The following ACTR3B variants were observed in gnomAD, a reference collection of about 807,000 sequenced individuals.
The protein encoded by ACTR3B is actin-related protein 3B.
ACTR3B carries 8 observed loss-of-function variants against 59.0 expected under a neutral mutation model. The ratio of observed to expected loss-of-function variants is 0.14; its 90% CI spans 0.08 to 0.24. The LOEUF (loss-of-function observed/expected upper bound fraction) is 0.24. Among genes scored for constraint, ACTR3B ranks in the 10% least tolerant of loss-of-function variants. The pLI is 1.00. For missense variants in ACTR3B, 245 were observed against 552.3 expected (o/e 0.44, Z 5.58); for synonymous variants, 148 against 197.9 (o/e 0.75, Z 2.12).
At chr7:152,820,792 A>G (rs138150264) in intron 7 of ACTR3B, among the ~76,000 whole-genome samples, 2,073 of 152,126 alleles carry the variant, frequency 0.014, 18 homozygotes, top group Non-Finnish European at 0.022. Context: ...GGAGGCGACC[A>G]CAGCAGCAGA....
intron 6 of ACTR3B, among the ~76,000 whole-genome samples, chr7:152,819,724 A>G (rs1287859039): frequency 1.3e-5 from 2 of 152,050 alleles, no homozygotes; most frequent in African/African-American, 4.8e-5. Context: ...CGACACACGC[A>G]GTTTCATCTG....
chr7:152,779,761 T>C (rs920086661), intron 1 of ACTR3B, among the ~76,000 whole-genome samples: 2 of 152,218 alleles, frequency 1.3e-5, no homozygotes, highest in African/African-American at 2.4e-5. Flanking sequence ...TACTGAGTTA[T>C]ATTTAATAGA....
chr7:152,763,533 C>T (rs1017890591), intron 1 of ACTR3B, among the ~76,000 whole-genome samples: 5 of 151,812 alleles, frequency 3.3e-5, no homozygotes, highest in Non-Finnish European at 7.4e-5. Flanking sequence ...AGGGAATTCT[C>T]CTGCTTCAGC....
chr7:152,845,500 G>A (rs566864863), intron 9 of ACTR3B, among the ~76,000 whole-genome samples: 17 of 152,324 alleles, frequency 1.1e-4, no homozygotes, highest in African/African-American at 3.4e-4. Flanking sequence ...GCTCTATTCC[G>A]TGCTGAGCTG....
rs529675457 is a variant in ACTR3B at position 152,764,154 on chromosome 7, C to T, written c.44+4228C>T. 2.0e-5 allele frequency among the ~76,000 whole-genome samples: 3 copies of T among 151,624 alleles called. No individual in the cohort carries two copies. The South Asian group carries it at 6.3e-4, about 32-fold the overall frequency. Reference sequence around the variant, plus strand: ...CTGAGTAGCTGGGATTATAGGTGTACACCACCACGCATGGCTGTTTTTTTG... The same window carrying T: ...CTGAGTAGCTGGGATTATAGGTGTATACCACCACGCATGGCTGTTTTTTTG... On this transcript the variant is annotated intron_variant, in intron 1 of 11. Transcript: ENST00000256001.
At chr7:152,784,539 A>T (rs2098165233) in intron 2 of ACTR3B, among the ~76,000 whole-genome samples, 1 of 152,192 alleles carries the variant, frequency 6.6e-6, no homozygotes, top group South Asian at 2.1e-4. Context: ...GATGACAGGC[A>T]TGATTGGTCT....
At chr7:152,835,084 A>C (rs2689563) in intron 9 of ACTR3B, among the ~76,000 whole-genome samples, 1,846 of 151,314 alleles carry the variant, frequency 0.012, 37 homozygotes, top group African/African-American at 0.042. Context: ...ATCATATTGG[A>C]TTTTGGCTTT....
chr7:152,808,158 C>G (rs890206492), intron 4 of ACTR3B, among the ~76,000 whole-genome samples: 1 of 152,190 alleles, frequency 6.6e-6, no homozygotes, highest in East Asian at 1.9e-4. Flanking sequence ...GCTTACTTCA[C>G]TTAGCGTCTT....
chr7:152,762,677 T>C (rs2117097592), intron 1 of ACTR3B, among the ~76,000 whole-genome samples: 1 of 152,368 alleles, frequency 6.6e-6, no homozygotes, highest in Admixed American at 6.5e-5. Flanking sequence ...TTATGGAATG[T>C]CACCCATGAA....
chr7:152,781,877 T>C (rs1203964046), intron 1 of ACTR3B, among the ~76,000 whole-genome samples: 1 of 152,052 alleles, frequency 6.6e-6, no homozygotes, highest in African/African-American at 2.4e-5. Context: ...TCTTGAGTTG[T>C]GGAGCTGGAG....
intron 1 of ACTR3B, among the ~76,000 whole-genome samples, chr7:152,779,928 A>G (rs2098146375): frequency 6.6e-6 from 1 of 152,238 alleles, no homozygotes; most frequent in Non-Finnish European, 1.5e-5. Flanking sequence ...TATATAAGGA[A>G]TAGCCCAGGA....
intron 2 of ACTR3B, among the ~76,000 whole-genome samples, chr7:152,784,787 A>G (rs1291143924): frequency 6.6e-6 from 1 of 151,486 alleles, no homozygotes; most frequent in Non-Finnish European, 1.5e-5. Context: ...GTTGCTGGGG[A>G]CCTCGCTGGT....
chr7:152,795,973 A>G (rs1238822112), intron 2 of ACTR3B, among the ~76,000 whole-genome samples: 1 of 151,834 alleles, frequency 6.6e-6, no homozygotes, highest in Non-Finnish European at 1.5e-5. Context: ...CCTCCCAAGT[A>G]GCTGGGATTA....
At chr7:152,825,550 C>T (rs899540479) in intron 9 of ACTR3B, among the ~76,000 whole-genome samples, 7 of 152,046 alleles carry the variant, frequency 4.6e-5, no homozygotes, top group South Asian at 4.2e-4. Flanking sequence ...CTCCTGAGCT[C>T]AGGCAATCCA....
chr7:152,818,052 C>T (rs1406718316), intron 6 of ACTR3B, among the ~76,000 whole-genome samples: 1 of 152,170 alleles, frequency 6.6e-6, no homozygotes, highest in Admixed American at 6.5e-5. Flanking sequence ...AAGCCAGTCT[C>T]AGCACTCCTT....
rs866194211 is a variant in ACTR3B, at chr7:152,852,315, C to A, written c.1077+64C>A. The A allele has an allele frequency of 1.4e-4, 208 of 1,535,716 alleles. 2 individuals carry two copies. The South Asian group carries it at 2.5e-3, about 19-fold the overall frequency. ...TGCCCCAGGCCTGACCGGGGCCCTCCTGACACAGAGCCGAAGGAGCTTGTC... is the reference window on the plus strand; with the variant it reads ...TGCCCCAGGCCTGACCGGGGCCCTCATGACACAGAGCCGAAGGAGCTTGTC... On this transcript the variant is annotated intron_variant, in intron 10 of 11. Transcript: ENST00000256001.
At chr7:152,828,061 T>G (rs1323633609) in intron 9 of ACTR3B, among the ~76,000 whole-genome samples, 1 of 151,590 alleles carries the variant, frequency 6.6e-6, no homozygotes, top group Non-Finnish European at 1.5e-5. Flanking sequence ...AGTGGCTGGG[T>G]TCCTATAAAG....
At chr7:152,793,872 G>C (rs2116692637) in intron 2 of ACTR3B, among the ~76,000 whole-genome samples, 1 of 151,854 alleles carries the variant, frequency 6.6e-6, no homozygotes, top group African/African-American at 2.4e-5. Flanking sequence ...ATTATTGCCA[G>C]TGTGGGGGTC....
chr7:152,846,594 C>G (rs1798318367), intron 9 of ACTR3B, among the ~76,000 whole-genome samples: 1 of 137,598 alleles, frequency 7.3e-6, no homozygotes. Context: ...GGGCTGTAGT[C>G]TGCAGTGAGC....
Sources: allele counts gnomAD v4.1 joint callset (sites outside exome capture counted in the v4.1 genomes callset), GRCh38; gene constraint gnomAD v4.1.1; transcripts MANE v1.5; gene names NCBI Gene and HGNC (gene_info 2026-07-23, HGNC 2026-07-21).